The following ZNF48 variants were observed in gnomAD, a reference collection of about 807,000 sequenced individuals.
ZNF48 encodes the protein zinc finger protein 48, also known as zinc finger protein 553.
In ZNF48, 20 loss-of-function variants were observed where a neutral mutation model predicts 40.0. The observed-to-expected ratio is 0.50, with a 90% CI of 0.35 to 0.73. The LOEUF is 0.73. Ranked by LOEUF, ZNF48 falls within the 30% of genes least tolerant of loss-of-function variation. ZNF48 has a pLI of 0.01. For synonymous variants in ZNF48, 298 were observed against 329.7 expected, an observed-to-expected ratio of 0.90 and a Z score of 1.04; for missense variants, 726 against 851.9, an observed-to-expected ratio of 0.85 and a Z score of 1.84.
Position 30,382,330 on chromosome 16 carries a change from G to C in ZNF48, c.-16+3920G>C. 6 of 1,613,736 alleles carry C rather than the reference G, an allele frequency of 3.7e-6. No individual in the cohort carries two copies. Among genetic ancestry groups the C allele is most frequent in the Non-Finnish European group, 5.1e-6 (6 of 1,179,776 alleles). Reference sequence around the variant, plus strand: ...TCTTGACAGACTTGCGGTGCAGCTGGTTGGGGAGGGCAGCAAAACCCACGT... The same window carrying C: ...TCTTGACAGACTTGCGGTGCAGCTGCTTGGGGAGGGCAGCAAAACCCACGT... On this transcript the variant is annotated intron_variant, in intron 1 of 2. Coordinates refer to the ZNF48 transcript ENST00000528032. The surrounding 1 kb of genome is among the most constrained non-coding windows in gnomAD (Gnocchi z 4.8).
At position 30,395,663 on chromosome 16, in the gene ZNF48, C is replaced by T. The variant is rs1349734934; in HGVS notation, c.-16+85C>T. The T allele has an allele frequency of 1.2e-6, 1 of 815,668 alleles. No homozygotes were observed. The highest frequency in any genetic ancestry group is 1.8e-5 in the African/African-American group (1 of 55,202). The allele number at this position is 815,668 out of a possible 1,614,324, so 50.5% of individuals were successfully genotyped here. ...GGCAGGGGGCACCGGGAGCCGCGCC[C>T]GTACCTGGGACCCGACGCCGCCCGG... On this transcript the variant is annotated intron_variant, in intron 1 of 2. Coordinates refer to ENST00000613509, the MANE Select transcript of ZNF48 (RefSeq NM_001214909.2). The surrounding 1 kb of genome is among the most constrained non-coding windows in gnomAD (Gnocchi z 5.9).
Position 30,382,755 on chromosome 16 carries a change from C to G in ZNF48, c.-16+4345C>G. The G allele has an allele frequency of 6.5e-7, 1 of 1,536,178 alleles. No homozygotes were observed. Among genetic ancestry groups the G allele is most frequent in the Non-Finnish European group, 8.7e-7 (1 of 1,146,876 alleles). On this transcript the variant is annotated intron_variant, in intron 1 of 2. Transcript: ENST00000528032. This position sits in a 1 kb window ranked among gnomAD's most constrained non-coding sequence, Gnocchi z 4.8. The stretch of plus-strand genomic sequence containing the variant: ...CGTACCTTCAACCCTCCATCCTTCA[C>G]ACATCTGGATTCCAAGTCCCACTGT...
exon 1 of ZNF48, chr16:30,378,341 G>T: frequency 1.6e-6 from 2 of 1,239,376 alleles, no homozygotes; most frequent in Non-Finnish European, 2.2e-6. Flanking sequence ...CACCCGCGGA[G>T]GTCCCGGGGG....
chr16:30,382,142 G>A lies in ZNF48; in HGVS notation c.-16+3732G>A, dbSNP rs769136961. The A allele has an allele frequency of 7.5e-6, 12 of 1,596,122 alleles. No individual in the cohort carries two copies. The highest frequency in any genetic ancestry group is 1.0e-5 in the Non-Finnish European group (12 of 1,171,354). On this transcript the variant is annotated intron_variant, in intron 1 of 2. Transcript: ENST00000528032. The surrounding 1 kb of genome is among the most constrained non-coding windows in gnomAD (Gnocchi z 4.8). ...CCTCATAGAGGTTGGTGAGGAAGAGGCTGTTGATGAGGGTGGATTTCCCTA... is the reference window on the plus strand; with the variant it reads ...CCTCATAGAGGTTGGTGAGGAAGAGACTGTTGATGAGGGTGGATTTCCCTA...
At chr16:30,378,920 G>GT (rs1020204444) in intron 1 of ZNF48, 1 of 1,251,958 alleles carries the variant, frequency 8.0e-7, no homozygotes, top group Non-Finnish European at 1.1e-6. Context: ...TCTGAGTGGT[G>GT]AAGGCGGAGT....
At position 30,382,729 on chromosome 16, in the gene ZNF48, A is replaced by C. The variant is rs1342771727; in HGVS notation, c.-16+4319A>C. 6.5e-7 allele frequency: 1 copy of C among 1,536,202 alleles called. No homozygotes were observed. The highest frequency in any genetic ancestry group is 2.0e-5 in the Admixed American group (1 of 50,978). ...GGACCCCTTTGCCCATCACCTGTCTACGTACCTTCAACCCTCCATCCTTCA... is the reference window on the plus strand; with the variant it reads ...GGACCCCTTTGCCCATCACCTGTCTCCGTACCTTCAACCCTCCATCCTTCA... On this transcript the variant is annotated intron_variant, in intron 1 of 2. Transcript: ENST00000528032. The surrounding 1 kb of genome is among the most constrained non-coding windows in gnomAD (Gnocchi z 4.8).
Position 30,398,096 on chromosome 16 carries a change from G to A in ZNF48, c.846G>A (p.Lys282=), listed in dbSNP as rs145100383. 113 of 1,613,556 alleles carry A rather than the reference G, an allele frequency of 7.0e-5. No homozygotes were observed. The African/African-American group carries it at 1.1e-3, about 15-fold the overall frequency. The stretch of plus-strand genomic sequence containing the variant: ...CATATATCTGCACTGATTGCGGCAA[G>A]AGGTTTGTGCTCAGCTGCAGCCTCC... The part of the protein sequence containing the change: ...DKPYICTDCG[K]RFVLSCSLLS... Residue 282 remains lysine, a synonymous_variant, in exon 3 of 3, where the codon AAG becomes AAA. Coordinates refer to ENST00000613509, the MANE Select transcript of ZNF48 (RefSeq NM_001214909.2). The surrounding 1 kb of genome is among the most constrained non-coding windows in gnomAD (Gnocchi z 6.6).
chr16:30,397,224 G>A lies in ZNF48; in HGVS notation c.80-106G>A. 9.7e-7 allele frequency: 1 copy of A among 1,026,682 alleles called. No homozygotes were observed. Among genetic ancestry groups the A allele is most frequent in the Non-Finnish European group, 1.4e-6 (1 of 699,556 alleles). The allele number at this position is 1,026,682 out of a possible 1,614,324, so 63.6% of individuals were successfully genotyped here. On this transcript the variant is annotated intron_variant, in intron 2 of 2. Transcript: ENST00000613509. The surrounding 1 kb of genome is among the most constrained non-coding windows in gnomAD (Gnocchi z 4.1). ...AGGTTGAGAGGACAGAGAGATTGGGGTTCCTGTGACCACAGATTGTCAAGG... is the reference window on the plus strand; with the variant it reads ...AGGTTGAGAGGACAGAGAGATTGGGATTCCTGTGACCACAGATTGTCAAGG...
rs1194075838 is a variant in ZNF48 at position 30,398,047 on chromosome 16, A to T, written c.797A>T (p.Gln266Leu). ...TCTCGGGCAGCCACGGCAGCTACCC[A>T]GGGACCGAAGGCCCAGGACAAGCCA... ...QPSRAATAAT[Q>L]GPKAQDKPYI... The change falls in exon 3 of 3, where the codon CAG (glutamine) becomes CTG (leucine). Residue 266 changes from glutamine to leucine, a missense_variant. Around this residue, in one of 5 missense-constraint regions of ZNF48, gnomAD observed 378 missense variants for 449.1 expected, o/e 0.84. Transcript: ENST00000613509. The surrounding 1 kb of genome is among the most constrained non-coding windows in gnomAD (Gnocchi z 6.6). 1 of 1,612,292 alleles carries T rather than the reference A, an allele frequency of 6.2e-7. No homozygotes were observed. Among genetic ancestry groups the T allele is most frequent in the East Asian group, 2.2e-5 (1 of 44,866 alleles).
chr16:30,395,096 C>A (rs1427025399), upstream of ZNF48: 2 of 394,678 alleles, frequency 5.1e-6, no homozygotes, highest in African/African-American at 4.2e-5. This position sits in a 1 kb window ranked among gnomAD's most constrained non-coding sequence, Gnocchi z 5.9. Flanking sequence ...TCCCCGGGTC[C>A]GTCTTTGGAT....
intron 1 of ZNF48, chr16:30,378,633 GCTT>G (rs1459135655): frequency 1.2e-6 from 2 of 1,611,034 alleles, no homozygotes; most frequent in Non-Finnish European, 1.7e-6. Flanking sequence ...TCGCGGATCA[GCTT>G]CTCGGTGTCC....
chr16:30,381,534 T>C lies in ZNF48; in HGVS notation c.-16+3124T>C. 6.3e-7 allele frequency: 1 copy of C among 1,589,816 alleles called. No individual in the cohort carries two copies. Among genetic ancestry groups the C allele is most frequent in the Non-Finnish European group, 8.6e-7 (1 of 1,160,064 alleles). On this transcript the variant is annotated intron_variant, in intron 1 of 2. Transcript: ENST00000528032. This position sits in a 1 kb window ranked among gnomAD's most constrained non-coding sequence, Gnocchi z 4.3. ...AAGGCCAGAGGGCAGGGGGCAAGGC[T>C]AGCCAGGACTGTGGGAGTAGAATGT...
Position 30,397,919 on chromosome 16 carries a change from C to A in ZNF48, c.669C>A (p.Gly223=). The A allele has an allele frequency of 6.2e-7, 1 of 1,612,168 alleles. No homozygotes were observed. The highest frequency in any genetic ancestry group is 8.5e-7 in the Non-Finnish European group (1 of 1,178,892). The change falls in exon 3 of 3, where the codon GGC becomes GGA. Residue 223 remains glycine (G), a synonymous_variant. Transcript: ENST00000613509. This position sits in a 1 kb window ranked among gnomAD's most constrained non-coding sequence, Gnocchi z 4.1. ...THTGEKPYKC[G]ICGKGFGDSS... Reference sequence around the variant, plus strand: ...CTGGTGAGAAGCCCTACAAGTGTGGCATATGTGGCAAGGGCTTTGGCGACA... The same window carrying A: ...CTGGTGAGAAGCCCTACAAGTGTGGAATATGTGGCAAGGGCTTTGGCGACA...
chr16:30,398,819 A>G lies in ZNF48; in HGVS notation c.1569A>G (p.Pro523=). The change falls in exon 3 of 3, where the codon CCA becomes CCG. Residue 523 remains proline (P), a synonymous_variant. Transcript: ENST00000613509. This position sits in a 1 kb window ranked among gnomAD's most constrained non-coding sequence, Gnocchi z 6.6. ...TLLRPHNPPG[P]VPMAPRPRVR... is the part of the protein sequence containing the mutation. ...TGCGGCCACATAACCCACCTGGCCC[A>G]GTACCCATGGCCCCTCGACCCCGAG... The G allele has an allele frequency of 1.2e-6, 2 of 1,613,826 alleles. No individual in the cohort carries two copies. The highest frequency in any genetic ancestry group is 1.7e-6 in the Non-Finnish European group (2 of 1,180,012).
chr16:30,387,964 C>CTT (rs779632723), intron 1 of ZNF48, among the ~76,000 whole-genome samples: 1 of 146,062 alleles, frequency 6.8e-6, no homozygotes, highest in South Asian at 2.2e-4. Context: ...TTCTCTACAT[C>CTT]TTTTTTTTTT....
chr16:30,388,791 G>A (rs1425902839), intron 1 of ZNF48, among the ~76,000 whole-genome samples: 1 of 151,954 alleles, frequency 6.6e-6, no homozygotes. Flanking sequence ...CTACTCAGGA[G>A]GCTGAGGCAG....
In ZNF48 at chr16:30,395,948, C is replaced by G. The variant is rs13333093; in HGVS notation, c.79+75C>G. On this transcript the variant is annotated intron_variant, in intron 2 of 2. Coordinates refer to ENST00000613509, the MANE Select transcript of ZNF48 (RefSeq NM_001214909.2). The surrounding 1 kb of genome is among the most constrained non-coding windows in gnomAD (Gnocchi z 5.9). ...ACTGCGATGCTTGGCTGTGGCCGGC[C>G]GAGATCCTGGAAGATCGGACGTGAG... The G allele has an allele frequency of 3.6e-6, 5 of 1,389,274 alleles. No homozygotes were observed. The highest frequency in any genetic ancestry group is 4.8e-6 in the Non-Finnish European group (5 of 1,049,082). 86.1% of individuals were successfully genotyped at this position (1,389,274 alleles called of 1,614,324 possible).
intron 1 of ZNF48, chr16:30,379,600 C>A: frequency 1.6e-5 from 14 of 878,726 alleles, no homozygotes; most frequent in African/African-American, 3.2e-5. Flanking sequence ...TTCCCAGCTT[C>A]AATCTCCACA....
At position 30,382,474 on chromosome 16, in the gene ZNF48, G is replaced by A; in HGVS notation, c.-16+4064G>A. On this transcript the variant is annotated intron_variant, in intron 1 of 2. Transcript: ENST00000528032. The surrounding 1 kb of genome is among the most constrained non-coding windows in gnomAD (Gnocchi z 4.8). ...AGTCAGTGGGGTCTGGGGACCCCAG[G>A]CATGGGGGCTGGGGGCCGAGATGCC... 1 of 1,575,026 alleles carries A rather than the reference G, an allele frequency of 6.3e-7. No individual in the cohort carries two copies. Among genetic ancestry groups the A allele is most frequent in the Non-Finnish European group, 8.7e-7 (1 of 1,149,766 alleles).
Sources: gnomAD v4.1 joint callset for allele counts (sites outside exome capture counted in the v4.1 genomes callset) on GRCh38, gnomAD v4.1.1 for gene constraint, gnomAD v4.1.1 regional missense constraint, Gnocchi (gnomAD v3.1) non-coding constraint, MANE v1.5 for transcripts, NCBI Gene and HGNC (gene_info 2026-07-23, HGNC 2026-07-21) for gene names.